Variants in DEAF1 observed in about 807,000 individuals in gnomAD.
DEAF1 encodes the protein DEAF1 transcription factor, also known as deformed epidermal autoregulatory factor 1 homolog.
A neutral mutation model predicts 58.9 loss-of-function variants in DEAF1; 53 were observed. The ratio of observed to expected loss-of-function variants is 0.90; its 90% CI spans 0.72 to 1.13. The LOEUF is 1.13. Ranked by LOEUF, DEAF1 falls within the 50% of genes most tolerant of loss-of-function variation. The pLI, the probability that DEAF1 is intolerant of heterozygous loss-of-function variation, is 0.00. For synonymous variants in DEAF1, 385 were observed against 340.4 expected (o/e 1.13, Z -1.44); for missense variants, 685 against 791.4 (o/e 0.87, Z 1.61).
chr11:686,661 G>A (rs559910089), intron 5 of DEAF1, among the ~76,000 whole-genome samples, 197 bp downstream of exon 5: 14 of 152,260 alleles, frequency 9.2e-5, no homozygotes, highest in South Asian at 4.1e-4. Flanking sequence ...CACGATCATC[G>A]TCATCCCCAC....
chr11:679,984 G>T, intron 7 of DEAF1, 168 bp from the exon 8 acceptor site: 1 of 936,898 alleles, frequency 1.1e-6, no homozygotes, highest in Non-Finnish European at 1.6e-6. Flanking sequence ...AGACCTTGGA[G>T]AAGACCTCAC....
chr11:653,944 G>A lies in DEAF1; in HGVS notation c.1593+18C>T, dbSNP rs375035806. 3.1e-6 allele frequency: 5 copies of A among 1,609,982 alleles called. No individual in the cohort carries two copies. Among genetic ancestry groups the A allele is most frequent in the Non-Finnish European group, 4.2e-6 (5 of 1,176,550 alleles). On this transcript the variant is annotated intron_variant, in intron 11 of 11. Transcript: ENST00000382409. Reference sequence around the variant, plus strand: ...GGGAGGAGGCGGGGGCACTGAGCCTGGTGTAGGTGAGACCTACCTTGCGTT... The same window carrying A: ...GGGAGGAGGCGGGGGCACTGAGCCTAGTGTAGGTGAGACCTACCTTGCGTT...
In DEAF1 at chr11:676,520, G is replaced by T. The variant is rs1489891082; in HGVS notation, c.1256-1737C>A. 2.6e-5 allele frequency among the ~76,000 whole-genome samples: 4 copies of T among 151,510 alleles called. No individual in the cohort carries two copies. The East Asian group carries it at 7.9e-4, about 30-fold the overall frequency. ...AGCGCCGTGGACAATGACCAGGGGA[G>T]GGAAGTGGCTAAATCAGAGTCTCGC... On this transcript the variant is annotated intron_variant, in intron 9 of 11. Transcript: ENST00000382409.
At chr11:662,404 G>A (rs1392628527) in intron 10 of DEAF1, among the ~76,000 whole-genome samples, 1 of 152,238 alleles carries the variant, frequency 6.6e-6, no homozygotes, top group Non-Finnish European at 1.5e-5. Context: ...ATTCTGCAGT[G>A]GCGTGGGATC....
At chr11:687,095 A>G (rs1860626877) in intron 4 of DEAF1, 98 bp from the exon 5 acceptor site, 1 of 1,557,822 alleles carries the variant, frequency 6.4e-7, no homozygotes, top group Non-Finnish European at 8.7e-7. Context: ...CACCAGCACC[A>G]GCGCCCCAGC....
At chr11:673,356 G>A (rs796641089) in intron 10 of DEAF1, among the ~76,000 whole-genome samples, 8 of 151,604 alleles carry the variant, frequency 5.3e-5, no homozygotes, top group African/African-American at 9.7e-5. Flanking sequence ...GTAAAACCCC[G>A]TCTCTACCAA....
intron 6 of DEAF1, among the ~76,000 whole-genome samples, chr11:681,706 G>T (rs188601321): frequency 1.3e-4 from 19 of 151,956 alleles, no homozygotes; most frequent in Admixed American, 3.3e-4. Flanking sequence ...CACCACGCCC[G>T]GCCGACTTTT....
intron 10 of DEAF1, among the ~76,000 whole-genome samples, chr11:667,533 AG>A (rs1288601652): frequency 6.6e-6 from 1 of 152,126 alleles, no homozygotes; most frequent in Non-Finnish European, 1.5e-5. Flanking sequence ...CAACCCAGGT[AG>A]GTCATGCCTA....
chr11:705,937 C>T (rs1590042681), intron 1 of DEAF1, among the ~76,000 whole-genome samples: 1 of 152,212 alleles, frequency 6.6e-6, no homozygotes, highest in Non-Finnish European at 1.5e-5. Context: ...CGCCTGTCCC[C>T]AGCGCCCCAG....
In DEAF1 at chr11:674,272, A is replaced by T. The variant is rs1468251281; in HGVS notation, c.1503+264T>A. ...ATGCCTAGAAAAGGTGAGTATTCAC[A>T]ACGGCCGATGCGCACAAAATTGTTT... is the stretch of plus-strand genomic sequence containing the variant. On this transcript the variant is annotated intron_variant, in intron 10 of 11. Coordinates refer to ENST00000382409, the MANE Select transcript of DEAF1 (RefSeq NM_021008.4). 6.2e-6 allele frequency: 3 copies of T among 486,870 alleles called. No homozygotes were observed. The East Asian group carries it at 1.2e-4, about 19-fold the overall frequency. 30.2% of individuals were successfully genotyped at this position (486,870 alleles called of 1,614,324 possible).
At chr11:654,353 G>A (rs988831376) in intron 10 of DEAF1, among the ~76,000 whole-genome samples, 1 of 150,912 alleles carries the variant, frequency 6.6e-6, no homozygotes, top group Non-Finnish European at 1.5e-5. Flanking sequence ...TTTTAGTAGA[G>A]ACAGGGTTTC....
At chr11:681,565 C>G (rs942960026) in intron 6 of DEAF1, among the ~76,000 whole-genome samples, 1 of 152,058 alleles carries the variant, frequency 6.6e-6, no homozygotes, top group African/African-American at 2.4e-5. Flanking sequence ...CGCCCGCCAC[C>G]AAGCCTGGCT....
intron 10 of DEAF1, among the ~76,000 whole-genome samples, chr11:668,565 G>A (rs1209694138): frequency 6.6e-6 from 1 of 152,134 alleles, no homozygotes; most frequent in Non-Finnish European, 1.5e-5. Context: ...GTTCATGCCT[G>A]TAATCCCAGC....
intron 1 of DEAF1, chr11:704,208 T>C (rs1861623341): frequency 2.0e-6 from 2 of 984,634 alleles, no homozygotes; most frequent in African/African-American, 3.4e-5. Flanking sequence ...ACTTGCCAGC[T>C]GGTCAGTTCC....
intron 10 of DEAF1, among the ~76,000 whole-genome samples, chr11:659,994 G>A (rs1338464231): frequency 6.6e-6 from 1 of 152,186 alleles, no homozygotes; most frequent in Non-Finnish European, 1.5e-5. Flanking sequence ...AGGGCCCAAG[G>A]GGCTGCTGCT....
At position 657,042 on chromosome 11, in the gene DEAF1, A is replaced by T. The variant is rs185653778; in HGVS notation, c.1504-2991T>A. On this transcript the variant is annotated intron_variant, in intron 10 of 11. Coordinates refer to ENST00000382409, the MANE Select transcript of DEAF1 (RefSeq NM_021008.4). ...CCTCATCCCTGCTCTGCAGCTGAAC[A>T]GGTGACACCCTCGTCCCTGCTCTGC... Among the ~76,000 whole-genome samples, 4 of 150,830 alleles carry T rather than the reference A, an allele frequency of 2.7e-5. No individual in the cohort carries two copies. In the East Asian group the frequency reaches 7.7e-4, roughly 29 times the overall value.
chr11:662,944 C>T (rs995156154), intron 10 of DEAF1, among the ~76,000 whole-genome samples: 3 of 152,204 alleles, frequency 2.0e-5, no homozygotes, highest in African/African-American at 7.2e-5. Context: ...CCAGAGGGCA[C>T]GATGCCCATT....
upstream of DEAF1, among the ~76,000 whole-genome samples, chr11:696,698 CGAGGT>C (rs60498675): frequency 4.3e-4 from 1 of 2,316 alleles, no homozygotes; most frequent in African/African-American, 9.4e-4. Flanking sequence ...CCCAGGAGGT[CGAGGT>C]TGCAGTGAGC....
At chr11:654,943 G>A (rs1858973382) in intron 10 of DEAF1, among the ~76,000 whole-genome samples, 1 of 151,416 alleles carries the variant, frequency 6.6e-6, no homozygotes, top group Non-Finnish European at 1.5e-5. Flanking sequence ...GGCTGAGGTG[G>A]GCGGATCACG....
Sources: gnomAD v4.1 joint callset for allele counts (sites outside exome capture counted in the v4.1 genomes callset) on GRCh38, gnomAD v4.1.1 for gene constraint, MANE v1.5 for transcripts, NCBI Gene and HGNC (gene_info 2026-07-23, HGNC 2026-07-21) for gene names.